The following MLIP variants were observed in gnomAD, a reference collection of about 807,000 sequenced individuals.
MLIP encodes muscular LMNA-interacting protein.
MLIP carries 79 observed loss-of-function variants against 84.8 expected under a neutral mutation model. That is an observed-to-expected ratio of 0.93 (90% CI 0.78 to 1.12). MLIP has a LOEUF of 1.12. Ranked by LOEUF, MLIP falls within the 50% of genes most tolerant of loss-of-function variation. The probability of loss-of-function intolerance (pLI) is 0.00; values close to 1 mark genes in which losing one functional copy is unlikely to be tolerated. For synonymous variants in MLIP, 504 were observed against 463.0 expected, an observed-to-expected ratio of 1.09 and a Z score of -1.14; for missense variants, 1,257 against 1,160.6, an observed-to-expected ratio of 1.08 and a Z score of -1.21.
intron 1 of MLIP, among the ~76,000 whole-genome samples, chr6:54,051,649 G>A (rs1416976337): frequency 6.6e-6 from 1 of 152,012 alleles, no homozygotes; most frequent in Non-Finnish European, 1.5e-5. Context: ...CTGGGATTCT[G>A]ATCCCAGATG....
At chr6:54,200,481 A>G (rs1778596115) in intron 10 of MLIP, among the ~76,000 whole-genome samples, 1 of 152,038 alleles carries the variant, frequency 6.6e-6, no homozygotes, top group Non-Finnish European at 1.5e-5. Flanking sequence ...AGAAGAAGAA[A>G]GAAGAAATGA....
chr6:54,219,212 AT>A (rs1780053216), intron 11 of MLIP, among the ~76,000 whole-genome samples: 1 of 151,792 alleles, frequency 6.6e-6, no homozygotes, highest in Non-Finnish European at 1.5e-5. Flanking sequence ...CTCAAAAAAA[AT>A]AAAAATAAAA....
intron 11 of MLIP, chr6:54,217,118 G>A: frequency 2.0e-6 from 2 of 985,442 alleles, no homozygotes; most frequent in Non-Finnish European, 2.4e-6. Flanking sequence ...ACAGGATGGA[G>A]TGAAAGGCTC....
intron 4 of MLIP, among the ~76,000 whole-genome samples, chr6:54,146,806 A>G (rs1043386680): frequency 3.3e-5 from 5 of 152,218 alleles, no homozygotes; most frequent in Non-Finnish European, 7.3e-5. Flanking sequence ...TAGGAGAACA[A>G]GCACTGTAAA....
chr6:54,230,956 G>A, intron 12 of MLIP, 39 bp downstream of exon 12: 2 of 1,577,246 alleles, frequency 1.3e-6, no homozygotes, highest in Non-Finnish European at 1.7e-6. Context: ...ATTCTATTCT[G>A]TGAACCTTCA....
At chr6:54,058,177 G>A (rs1471942235) in intron 1 of MLIP, among the ~76,000 whole-genome samples, 1 of 151,982 alleles carries the variant, frequency 6.6e-6, no homozygotes, top group Non-Finnish European at 1.5e-5. Context: ...TAACTAATTG[G>A]GCAAATGAAT....
chr6:54,112,085 A>T (rs916529609), intron 1 of MLIP, among the ~76,000 whole-genome samples: 3 of 152,236 alleles, frequency 2.0e-5, no homozygotes, highest in Admixed American at 1.3e-4. Context: ...TGACTAAATT[A>T]GTTTCCCAAG....
intron 1 of MLIP, among the ~76,000 whole-genome samples, chr6:54,038,498 T>G (rs1336054266): frequency 6.6e-6 from 1 of 151,962 alleles, no homozygotes; most frequent in African/African-American, 2.4e-5. Flanking sequence ...TAATTGTAAT[T>G]TCTTTACTAG....
chr6:54,135,320 G>C (rs550692898), intron 3 of MLIP, among the ~76,000 whole-genome samples: 1 of 151,972 alleles, frequency 6.6e-6, no homozygotes, highest in Non-Finnish European at 1.5e-5. Flanking sequence ...ATATATTCAG[G>C]TGTTATTTAT....
At chr6:54,194,621 C>T (rs1047599774) in intron 10 of MLIP, among the ~76,000 whole-genome samples, 12 of 151,924 alleles carry the variant, frequency 7.9e-5, no homozygotes, top group African/African-American at 2.9e-4. Flanking sequence ...AATCAACATG[C>T]CATATTTATA....
chr6:54,157,689 C>G (rs924276671), intron 5 of MLIP, among the ~76,000 whole-genome samples: 3 of 152,184 alleles, frequency 2.0e-5, no homozygotes, highest in South Asian at 2.1e-4. Flanking sequence ...AGGAACCTCT[C>G]CCCCTTTAAC....
intron 1 of MLIP, chr6:54,045,592 C>A (rs1765000035): frequency 6.6e-6 from 1 of 151,946 alleles, no homozygotes; most frequent in African/African-American, 2.4e-5. Context: ...AATTTTAATC[C>A]CCAGTGTTGG....
At chr6:54,260,609 G>A (rs1783318905) in intron 13 of MLIP, among the ~76,000 whole-genome samples, 1 of 151,866 alleles carries the variant, frequency 6.6e-6, no homozygotes, top group African/African-American at 2.4e-5. Flanking sequence ...AAAGTAGGAG[G>A]ATCATGAAAG....
chr6:54,179,504 C>T (rs2754795), intron 9 of MLIP, among the ~76,000 whole-genome samples: 129,261 of 152,098 alleles, frequency 0.85, 55,973 homozygotes, highest in Non-Finnish European at 0.94. Context: ...TCTTTCTTTT[C>T]GTGAATGTGA....
At chr6:54,035,639 AT>A (rs1399256593) in intron 1 of MLIP, among the ~76,000 whole-genome samples, 1 of 151,720 alleles carries the variant, frequency 6.6e-6, no homozygotes, top group East Asian at 1.9e-4. Flanking sequence ...TGGTATTATT[AT>A]TTTTTGTTTT....
rs1778302438 is a variant in MLIP, at chr6:54,196,450, C to T, written c.2590-5655C>T. ...AACATGCAGTGTTGGGTTTTCTGTT[C>T]CTGCATTAGTTTGATGAGGATAATG... On this transcript the variant is annotated intron_variant, in intron 10 of 13. Coordinates refer to ENST00000502396, the MANE Select transcript of MLIP (RefSeq NM_001281747.2). Among the ~76,000 whole-genome samples, 3 of 152,072 alleles carry T rather than the reference C, an allele frequency of 2.0e-5. No homozygotes were observed. In the South Asian group the frequency reaches 6.2e-4, roughly 31 times the overall value.
chr6:54,087,477 T>C (rs940266904), intron 1 of MLIP, among the ~76,000 whole-genome samples: 2 of 151,960 alleles, frequency 1.3e-5, no homozygotes, highest in African/African-American at 2.4e-5. Context: ...AAAAGAAACA[T>C]AAAAAAACCC....
At chr6:54,178,338 A>T (rs1776511301) in intron 9 of MLIP, among the ~76,000 whole-genome samples, 1 of 151,750 alleles carries the variant, frequency 6.6e-6, no homozygotes, top group Non-Finnish European at 1.5e-5. Flanking sequence ...AAGATTTGTC[A>T]ATTTTCTTTC....
At chr6:54,230,619 A>C in intron 11 of MLIP, 95 bp from the exon 12 acceptor site, 342 of 1,058,486 alleles carry the variant, frequency 3.2e-4, no homozygotes, top group Non-Finnish European at 4.2e-4. Context: ...CTTACTGGTA[A>C]GAGATTCTGA....
Sources: allele counts gnomAD v4.1 joint callset (sites outside exome capture counted in the v4.1 genomes callset), GRCh38; gene constraint gnomAD v4.1.1; transcripts MANE v1.5; gene names NCBI Gene and HGNC (gene_info 2026-07-23, HGNC 2026-07-21).